The following GALNTL5 variants were observed in gnomAD, a reference collection of about 807,000 sequenced individuals.
GALNTL5 encodes the protein inactive polypeptide N-acetylgalactosaminyltransferase-like protein 5.
A neutral mutation model predicts 51.0 loss-of-function variants in GALNTL5; 44 were observed. That is an observed-to-expected ratio of 0.86 (90% CI 0.68 to 1.11). The LOEUF is 1.11. Ranked by LOEUF, GALNTL5 falls within the 50% of genes least tolerant of loss-of-function variation. The probability of loss-of-function intolerance (pLI) is 0.00; values close to 1 mark genes in which losing one functional copy is unlikely to be tolerated. For synonymous variants in GALNTL5, 192 were observed against 182.8 expected (o/e 1.05, Z -0.41); for missense variants, 528 against 531.8 (o/e 0.99, Z 0.07).
intron 6 of GALNTL5, among the ~76,000 whole-genome samples, chr7:152,005,674 A>G (rs947048130): frequency 6.6e-6 from 1 of 152,126 alleles, no homozygotes; most frequent in Non-Finnish European, 1.5e-5. Context: ...AAAATATAGA[A>G]TATGTATATT....
intron 1 of GALNTL5, among the ~76,000 whole-genome samples, 186 bp from the exon 2 acceptor site, chr7:151,967,021 TA>T (rs905387798): frequency 2.0e-5 from 3 of 152,344 alleles, no homozygotes; most frequent in African/African-American, 7.2e-5. Flanking sequence ...ATTTTGATGT[TA>T]AATAATCTTA....
chr7:152,006,481 ATG>A, intron 6 of GALNTL5, among the ~76,000 whole-genome samples: 1 of 152,338 alleles, frequency 6.6e-6, no homozygotes, highest in Non-Finnish European at 1.5e-5. Flanking sequence ...GCACTCGGCA[ATG>A]TGTGTCACAT....
Position 151,967,235 on chromosome 7 carries a change from G to A in GALNTL5, c.-12G>A. ...AATTGAAAAATGGACCTTTGAAAAT[G>A]CTAGATTTACAATGAGAAATGCCAT... On this transcript the variant is annotated 5_prime_UTR_variant, in exon 2 of 9. It removes an upstream start codon present in the reference 5' UTR. Coordinates refer to ENST00000392800, the MANE Select transcript of GALNTL5 (RefSeq NM_145292.4). 6.2e-7 allele frequency: 1 copy of A among 1,604,642 alleles called. No homozygotes were observed. The highest frequency in any genetic ancestry group is 1.1e-5 in the South Asian group (1 of 90,000).
chr7:151,997,287 A>G (rs1431333035), intron 5 of GALNTL5, among the ~76,000 whole-genome samples: 2 of 152,204 alleles, frequency 1.3e-5, no homozygotes, highest in Non-Finnish European at 2.9e-5. Context: ...TAGGTCATCT[A>G]GCACATGAAT....
intron 3 of GALNTL5, among the ~76,000 whole-genome samples, chr7:151,975,831 T>C (rs746594805): frequency 4.6e-5 from 7 of 152,158 alleles, no homozygotes; most frequent in African/African-American, 1.4e-4. Flanking sequence ...CTTTGGCCCA[T>C]TGGTTGGTTA....
chr7:151,986,430 T>G (rs1434323825), intron 4 of GALNTL5, among the ~76,000 whole-genome samples: 1 of 151,906 alleles, frequency 6.6e-6, no homozygotes, highest in Non-Finnish European at 1.5e-5. Flanking sequence ...AGGCCAGGAG[T>G]GCAAGACCAG....
At chr7:151,958,781 A>G (rs990808752) in intron 1 of GALNTL5, among the ~76,000 whole-genome samples, 3 of 152,220 alleles carry the variant, frequency 2.0e-5, no homozygotes, top group Admixed American at 6.5e-5. Context: ...GCGTCCAAGA[A>G]GAATGAGGTT....
chr7:151,965,099 A>G (rs10278073), intron 1 of GALNTL5, among the ~76,000 whole-genome samples: 109,903 of 152,062 alleles, frequency 0.72, 39,900 homozygotes, highest in East Asian at 0.83. Flanking sequence ...AGGGCTGGGC[A>G]AAGAGAGCTG....
intron 1 of GALNTL5, among the ~76,000 whole-genome samples, chr7:151,966,354 G>A (rs994080323): frequency 2.8e-4 from 43 of 151,358 alleles, no homozygotes; most frequent in African/African-American, 1.0e-3. Context: ...TGCAACCTCC[G>A]CTTCCCAGGT....
chr7:151,971,929 G>A (rs560644944), intron 3 of GALNTL5, among the ~76,000 whole-genome samples: 4 of 152,276 alleles, frequency 2.6e-5, no homozygotes, highest in Admixed American at 6.5e-5. Context: ...GTGGAACTGA[G>A]TCAATTACAC....
At chr7:151,994,444 C>T (rs976622477) in intron 5 of GALNTL5, among the ~76,000 whole-genome samples, 5 of 152,030 alleles carry the variant, frequency 3.3e-5, no homozygotes, top group Non-Finnish European at 5.9e-5. Context: ...TATTACAAAG[C>T]GACGCTGTCT....
intron 4 of GALNTL5, among the ~76,000 whole-genome samples, chr7:151,986,842 C>G (rs1157896155): frequency 6.6e-6 from 1 of 151,618 alleles, no homozygotes; most frequent in African/African-American, 2.4e-5. Flanking sequence ...ATTCTTTTGC[C>G]TCAGCCCCGA....
intron 8 of GALNTL5, among the ~76,000 whole-genome samples, chr7:152,019,010 A>T (rs1299654217): frequency 6.6e-6 from 1 of 152,204 alleles, no homozygotes; most frequent in African/African-American, 2.4e-5. Context: ...TTAGACATTC[A>T]TTCTTGGGGC....
At chr7:152,018,532 C>G (rs2081848135) in intron 8 of GALNTL5, among the ~76,000 whole-genome samples, 1 of 152,012 alleles carries the variant, frequency 6.6e-6, no homozygotes, top group Admixed American at 6.5e-5. Flanking sequence ...GCATGGTTTA[C>G]TGACTTTCAC....
chr7:151,977,407 T>G (rs2081220177), intron 3 of GALNTL5, among the ~76,000 whole-genome samples: 1 of 152,214 alleles, frequency 6.6e-6, no homozygotes, highest in Non-Finnish European at 1.5e-5. Context: ...GGTACGAACT[T>G]ATGAGCACAA....
At chr7:151,982,768 CATT>C in intron 3 of GALNTL5, 1 of 912,958 alleles carries the variant, frequency 1.1e-6, no homozygotes, top group South Asian at 1.5e-5. Flanking sequence ...TTATTACTGA[CATT>C]AAGAAGGGGG....
chr7:151,960,025 C>T lies in GALNTL5; in HGVS notation c.-40+3416C>T, dbSNP rs1190663675. ...TTCAACCTTCCCTGGAGTTCTGCTGCCCAGATAATCAGGCCCTGGGCATGA... is the reference window on the plus strand; with the variant it reads ...TTCAACCTTCCCTGGAGTTCTGCTGTCCAGATAATCAGGCCCTGGGCATGA... On this transcript the variant is annotated intron_variant, in intron 1 of 8. Coordinates refer to ENST00000392800, the MANE Select transcript of GALNTL5 (RefSeq NM_145292.4). Among the ~76,000 whole-genome samples, 4 of 152,128 alleles carry T rather than the reference C, an allele frequency of 2.6e-5. No individual in the cohort carries two copies. In the East Asian group the frequency reaches 7.7e-4, roughly 29 times the overall value.
At chr7:151,995,861 C>T (rs887195592) in intron 5 of GALNTL5, among the ~76,000 whole-genome samples, 4 of 152,098 alleles carry the variant, frequency 2.6e-5, no homozygotes, top group Admixed American at 1.3e-4. Context: ...TAGAACTCAT[C>T]AGCCTTTTAT....
chr7:152,007,718 T>A, intron 6 of GALNTL5, 109 bp from the exon 7 acceptor site: 2 of 756,112 alleles, frequency 2.6e-6, no homozygotes, highest in Admixed American at 2.1e-5. Context: ...ACACCCGGCC[T>A]GTTTTCTCAT....
Sources: allele counts gnomAD v4.1 joint callset (sites outside exome capture counted in the v4.1 genomes callset), GRCh38; gene constraint gnomAD v4.1.1; transcripts MANE v1.5; gene names NCBI Gene and HGNC (gene_info 2026-07-23, HGNC 2026-07-21).